LRRTM4: variants seen among roughly 807,000 people sequenced by gnomAD.
The protein encoded by LRRTM4 is leucine-rich repeat transmembrane neuronal protein 4.
Under a neutral mutation model 47.6 loss-of-function variants are expected in LRRTM4, and 25 were observed. The observed-to-expected ratio is 0.53, with a 90% CI of 0.38 to 0.73. The LOEUF is 0.73. Ranked by LOEUF, LRRTM4 falls within the 30% of genes least tolerant of loss-of-function variation. LRRTM4 has a pLI of 0.00. For synonymous variants in LRRTM4, 311 were observed against 269.5 expected (o/e 1.15, Z -1.51); for missense variants, 638 against 713.4 (o/e 0.89, Z 1.20).
intron 3 of LRRTM4, among the ~76,000 whole-genome samples, chr2:77,310,692 G>T (rs758327620): frequency 6.6e-6 from 1 of 152,086 alleles, no homozygotes; most frequent in African/African-American, 2.4e-5. Context: ...GGCAGCAAAG[G>T]CTTCTCTCCA....
chr2:77,469,670 C>T (rs1161252328), intron 3 of LRRTM4, among the ~76,000 whole-genome samples: 2 of 151,998 alleles, frequency 1.3e-5, no homozygotes, highest in Non-Finnish European at 2.9e-5. Flanking sequence ...ATCAATCTCA[C>T]TCTGGAAAGG....
At chr2:77,345,437 C>T (rs1671527163) in intron 3 of LRRTM4, among the ~76,000 whole-genome samples, 1 of 151,600 alleles carries the variant, frequency 6.6e-6, no homozygotes, top group African/African-American at 2.4e-5. Flanking sequence ...ATAAAGAATT[C>T]TAAAAACTCA....
intron 3 of LRRTM4, among the ~76,000 whole-genome samples, chr2:77,358,561 G>A (rs528267799): frequency 1.6e-4 from 24 of 152,238 alleles, no homozygotes; most frequent in East Asian, 5.8e-4. Context: ...AACCATAGCC[G>A]CTTCAACGCA....
chr2:76,798,425 A>G (rs1168510470), intron 3 of LRRTM4, among the ~76,000 whole-genome samples: 8 of 151,584 alleles, frequency 5.3e-5, no homozygotes, highest in African/African-American at 1.9e-4. Context: ...ACAACATACC[A>G]GAATCTCTGG....
chr2:77,090,218 G>A (rs1558574468), intron 3 of LRRTM4, among the ~76,000 whole-genome samples: 1 of 152,116 alleles, frequency 6.6e-6, no homozygotes, highest in African/African-American at 2.4e-5. Flanking sequence ...TCTTAAAAAG[G>A]TGGCTGGTGC....
chr2:77,184,536 C>T (rs1184585920), intron 3 of LRRTM4, among the ~76,000 whole-genome samples: 1 of 152,094 alleles, frequency 6.6e-6, no homozygotes, highest in African/African-American at 2.4e-5. Context: ...CCCTGCTCTG[C>T]AAATGTCACT....
chr2:77,296,636 T>C (rs1676981650), intron 3 of LRRTM4, among the ~76,000 whole-genome samples: 2 of 152,234 alleles, frequency 1.3e-5, no homozygotes. Flanking sequence ...CAAGGTATAA[T>C]TGGATTTTGT....
At chr2:77,113,880 G>A (rs193285994) in intron 3 of LRRTM4, among the ~76,000 whole-genome samples, 17 of 152,240 alleles carry the variant, frequency 1.1e-4, no homozygotes, top group Non-Finnish European at 1.9e-4. Context: ...TTTGAAGAGG[G>A]AAGAATTAGC....
chr2:76,782,135 A>G (rs575370207), intron 3 of LRRTM4, among the ~76,000 whole-genome samples: 1 of 152,344 alleles, frequency 6.6e-6, no homozygotes, highest in South Asian at 2.1e-4. Context: ...TTGCACCCGC[A>G]TAAAAGCTCC....
At chr2:76,949,189 T>C (rs72823112) in intron 3 of LRRTM4, among the ~76,000 whole-genome samples, 18,103 of 151,880 alleles carry the variant, frequency 0.12, 1,363 homozygotes, top group Admixed American at 0.2. Flanking sequence ...CTTACATCTA[T>C]TTCTCTTCAG....
chr2:77,351,610 A>G (rs1423228027), intron 3 of LRRTM4, among the ~76,000 whole-genome samples: 1 of 132,824 alleles, frequency 7.5e-6, no homozygotes. Flanking sequence ...AAACCATGAC[A>G]AATTTATATA....
intron 3 of LRRTM4, among the ~76,000 whole-genome samples, chr2:77,488,663 A>G (rs1226450190): frequency 6.6e-6 from 1 of 152,226 alleles, no homozygotes; most frequent in Non-Finnish European, 1.5e-5. Context: ...TCTTTTGTAC[A>G]AAGTAAAACC....
intron 3 of LRRTM4, among the ~76,000 whole-genome samples, chr2:77,506,548 AC>A (rs1206604372): frequency 2.6e-5 from 4 of 151,888 alleles, no homozygotes; most frequent in Non-Finnish European, 1.5e-5. Context: ...TAAAAAAATA[AC>A]CTGTCAAATT....
chr2:77,456,272 T>C (rs1169558357), intron 3 of LRRTM4, among the ~76,000 whole-genome samples: 1 of 152,054 alleles, frequency 6.6e-6, no homozygotes, highest in Non-Finnish European at 1.5e-5. Context: ...TTTTACTATT[T>C]CCCCCCAAGT....
At chr2:77,079,922 AG>A (rs1277033728) in intron 3 of LRRTM4, among the ~76,000 whole-genome samples, 1 of 152,074 alleles carries the variant, frequency 6.6e-6, no homozygotes, top group African/African-American at 2.4e-5. Flanking sequence ...ATTTTATGAT[AG>A]AAATATATTT....
At chr2:77,124,627 G>A (rs1572985436) in intron 3 of LRRTM4, among the ~76,000 whole-genome samples, 1 of 152,200 alleles carries the variant, frequency 6.6e-6, no homozygotes, top group East Asian at 1.9e-4. Flanking sequence ...GTCAACCTTT[G>A]ATTAAATTGG....
At chr2:77,047,590 C>T (rs1679277069) in intron 3 of LRRTM4, among the ~76,000 whole-genome samples, 1 of 151,914 alleles carries the variant, frequency 6.6e-6, no homozygotes. Context: ...TGATGTTCTC[C>T]CTGTGTGTGT....
intron 3 of LRRTM4, among the ~76,000 whole-genome samples, chr2:77,373,088 A>AAAAAT (rs1553435844): frequency 2.8e-5 from 4 of 140,356 alleles, no homozygotes; most frequent in African/African-American, 7.9e-5. Flanking sequence ...TTAAAAAAAA[A>AAAAAT]ATATATATAT....
chr2:77,453,837 A>T lies in LRRTM4; in HGVS notation c.1551+64481T>A, dbSNP rs889957589. 3.4e-4 allele frequency among the ~76,000 whole-genome samples: 51 copies of T among 152,126 alleles called. 1 individual carries two copies. Among genetic ancestry groups the T allele is most frequent in the Non-Finnish European group, 8.8e-5 (6 of 68,022 alleles). ...GATAGCCTTTAATTTATACTTTCAT[A>T]ATAGTATTTAACTTTTTATTTTCCT... On this transcript the variant is annotated intron_variant, in intron 3 of 3. Transcript: ENST00000409884.
Sources: gnomAD v4.1 joint callset for allele counts (sites outside exome capture counted in the v4.1 genomes callset) on GRCh38, gnomAD v4.1.1 for gene constraint, MANE v1.5 for transcripts, NCBI Gene and HGNC (gene_info 2026-07-23, HGNC 2026-07-21) for gene names.